The following JAZF1 variants were observed in gnomAD, a reference collection of about 807,000 sequenced individuals.
JAZF1 encodes the protein JAZF zinc finger 1.
Under a neutral mutation model 26.4 loss-of-function variants are expected in JAZF1, and 8 were observed. The ratio of observed to expected loss-of-function variants is 0.30; its 90% CI spans 0.18 to 0.55. The LOEUF is 0.55. JAZF1 is among the 20% of genes least tolerant of loss of function. The probability of loss-of-function intolerance (pLI) is 0.94; values close to 1 mark genes in which losing one functional copy is unlikely to be tolerated. For missense variants in JAZF1, 199 were observed against 322.0 expected (o/e 0.62, Z 2.92); for synonymous variants, 126 against 122.3 (o/e 1.03, Z -0.20).
intron 1 of JAZF1, among the ~76,000 whole-genome samples, chr7:28,043,755 G>A (rs1368350609): frequency 1.3e-5 from 2 of 152,002 alleles, no homozygotes; most frequent in African/African-American, 4.8e-5. Context: ...TGATGAATGG[G>A]TAAACAAAAT....
chr7:28,013,611 A>C (rs1161793049), intron 1 of JAZF1, among the ~76,000 whole-genome samples: 5 of 152,150 alleles, frequency 3.3e-5, no homozygotes, highest in Admixed American at 6.5e-5. Context: ...CACGGCACTG[A>C]AATGACCAAA....
chr7:27,861,897 A>G (rs1038102973), intron 3 of JAZF1, among the ~76,000 whole-genome samples: 1 of 152,176 alleles, frequency 6.6e-6, no homozygotes, highest in Non-Finnish European at 1.5e-5. Context: ...GTGGGTAGAG[A>G]AAGGGCACTG....
chr7:28,020,405 TG>T (rs1207912117), intron 1 of JAZF1: 5 of 348,658 alleles, frequency 1.4e-5, no homozygotes, highest in Non-Finnish European at 2.9e-5. Flanking sequence ...ATGCAGCCTG[TG>T]GGGTAACACT....
At chr7:28,163,935 T>C (rs1311877795) in intron 1 of JAZF1, among the ~76,000 whole-genome samples, 3 of 152,260 alleles carry the variant, frequency 2.0e-5, no homozygotes, top group Admixed American at 2.0e-4. Flanking sequence ...CATACTTCCT[T>C]GACCTAATAA....
chr7:28,016,400 T>C (rs555771930), intron 1 of JAZF1, among the ~76,000 whole-genome samples: 11 of 152,196 alleles, frequency 7.2e-5, no homozygotes, highest in South Asian at 2.1e-4. Context: ...CCTAGAATAG[T>C]GGGACATTCA....
At chr7:28,085,357 T>C (rs890786326) in intron 1 of JAZF1, among the ~76,000 whole-genome samples, 1 of 152,232 alleles carries the variant, frequency 6.6e-6, no homozygotes, top group African/African-American at 2.4e-5. Flanking sequence ...GCTCTAACTA[T>C]ACAGTATTTC....
At chr7:27,914,029 C>T (rs1390135772) in intron 2 of JAZF1, among the ~76,000 whole-genome samples, 2 of 152,008 alleles carry the variant, frequency 1.3e-5, no homozygotes, top group South Asian at 2.1e-4. Context: ...ACAGTAAAAT[C>T]GAATGAATAA....
intron 1 of JAZF1, among the ~76,000 whole-genome samples, chr7:28,137,226 A>G (rs967378065): frequency 5.9e-5 from 9 of 152,188 alleles, no homozygotes; most frequent in Non-Finnish European, 1.2e-4. Context: ...TGAGGGCAGG[A>G]AGGAGCAACA....
intron 1 of JAZF1, among the ~76,000 whole-genome samples, chr7:28,158,817 T>C (rs539643446): frequency 2.0e-5 from 3 of 152,316 alleles, no homozygotes; most frequent in Admixed American, 2.0e-4. Context: ...CAATCTGATA[T>C]GGACATAGAC....
chr7:28,158,203 A>AGAGG (rs1458832858), intron 1 of JAZF1, among the ~76,000 whole-genome samples: 1 of 150,452 alleles, frequency 6.6e-6, no homozygotes, highest in Admixed American at 6.6e-5. Flanking sequence ...AGAGAGAGAG[A>AGAGG]GGGAGAGAGA....
intron 2 of JAZF1, among the ~76,000 whole-genome samples, chr7:27,932,653 A>G (rs1049214367): frequency 6.6e-6 from 1 of 152,258 alleles, no homozygotes; most frequent in African/African-American, 2.4e-5. Flanking sequence ...TATTTAAATA[A>G]CGACAGCTAG....
chr7:27,952,430 C>G (rs1785026122), intron 2 of JAZF1, among the ~76,000 whole-genome samples: 1 of 152,254 alleles, frequency 6.6e-6, no homozygotes, highest in Non-Finnish European at 1.5e-5. Context: ...CCTTTCCCCA[C>G]TTTCCACGAG....
At chr7:27,950,151 C>T (rs1784985295) in intron 2 of JAZF1, among the ~76,000 whole-genome samples, 1 of 152,294 alleles carries the variant, frequency 6.6e-6, no homozygotes, top group East Asian at 1.9e-4. Flanking sequence ...ATGAGCATGT[C>T]AAATGAGACT....
chr7:28,176,060 T>C lies in JAZF1; in HGVS notation c.115+4403A>G, dbSNP rs969345614. ...CGGTTTATAAATCTATACTATGAAA[T>C]GAAGCACTGTAGGTTTATTACCTGG... On this transcript the variant is annotated intron_variant, in intron 1 of 4. Coordinates refer to ENST00000283928, the MANE Select transcript of JAZF1 (RefSeq NM_175061.4). Among the ~76,000 whole-genome samples, 18 of 152,318 alleles carry C rather than the reference T, an allele frequency of 1.2e-4. No homozygotes were observed. In the East Asian group the frequency reaches 3.3e-3, roughly 28 times the overall value.
At position 28,126,175 on chromosome 7, in the gene JAZF1, A is replaced by C. The variant is rs74650633; in HGVS notation, c.115+54288T>G. 0.013 allele frequency among the ~76,000 whole-genome samples: 1,973 copies of C among 151,046 alleles called. 136 individuals carry two copies. The East Asian group carries it at 0.22, about 17-fold the overall frequency. ...ATCATCCCCCAAAGCTACCCTAGTAACACACTACTCCAGACAAAAGCAATG... is the reference window on the plus strand; with the variant it reads ...ATCATCCCCCAAAGCTACCCTAGTACCACACTACTCCAGACAAAAGCAATG... On this transcript the variant is annotated intron_variant, in intron 1 of 4. Transcript: ENST00000283928.
At chr7:28,023,779 T>G (rs984930989) in intron 1 of JAZF1, among the ~76,000 whole-genome samples, 17 of 152,172 alleles carry the variant, frequency 1.1e-4, no homozygotes, top group South Asian at 2.1e-4. Flanking sequence ...GGCTGACAGG[T>G]AGACAGACAA....
intron 1 of JAZF1, among the ~76,000 whole-genome samples, chr7:28,175,435 G>A (rs535010373): frequency 6.6e-6 from 1 of 152,286 alleles, no homozygotes; most frequent in South Asian, 2.1e-4. Flanking sequence ...ACTAGATGAT[G>A]TAGACAACTT....
At chr7:28,173,910 G>T (rs1783510482) in intron 1 of JAZF1, among the ~76,000 whole-genome samples, 1 of 138,292 alleles carries the variant, frequency 7.2e-6, no homozygotes, top group South Asian at 2.3e-4. Context: ...AAAAAAAGTA[G>T]GTGAAAACTA....
chr7:27,953,242 G>A (rs1258300985), intron 2 of JAZF1, among the ~76,000 whole-genome samples: 3 of 152,206 alleles, frequency 2.0e-5, no homozygotes, highest in Non-Finnish European at 4.4e-5. Context: ...AATCTTACCT[G>A]TAGGTGGATA....
Sources: allele counts gnomAD v4.1 joint callset (sites outside exome capture counted in the v4.1 genomes callset), GRCh38; gene constraint gnomAD v4.1.1; transcripts MANE v1.5; gene names NCBI Gene and HGNC (gene_info 2026-07-23, HGNC 2026-07-21).